Variants in LRRC4C observed in about 807,000 individuals in gnomAD.
LRRC4C encodes leucine rich repeat containing 4C.
A neutral mutation model predicts 33.6 loss-of-function variants in LRRC4C; 5 were observed. The ratio of observed to expected loss-of-function variants is 0.15; its 90% confidence interval spans 0.08 to 0.31. LRRC4C has a LOEUF of 0.31. LRRC4C is among the 10% of genes least tolerant of loss of function. The pLI is 1.00. For synonymous variants in LRRC4C, 329 were observed against 302.0 expected, an observed-to-expected ratio of 1.09 and a Z score of -0.93; for missense variants, 560 against 796.7, an observed-to-expected ratio of 0.70 and a Z score of 3.58.
intron 1 of LRRC4C, among the ~76,000 whole-genome samples, chr11:41,220,000 T>C (rs1283665726): frequency 6.6e-6 from 1 of 152,160 alleles, no homozygotes; most frequent in Non-Finnish European, 1.5e-5. Context: ...TTATTTGACC[T>C]GGAATTTTTT....
intron 2 of LRRC4C, among the ~76,000 whole-genome samples, chr11:40,834,907 GACAGACAC>G (rs1362223932): frequency 0.04 from 1,825 of 45,228 alleles, 29 homozygotes; most frequent in Admixed American, 0.15. Context: ...CAGACAGACA[GACAGACAC>G]ACACACACAC....
At chr11:41,350,374 G>C (rs1951938703) in intron 1 of LRRC4C, among the ~76,000 whole-genome samples, 1 of 151,650 alleles carries the variant, frequency 6.6e-6, no homozygotes, top group South Asian at 2.1e-4. Context: ...GCCGGGCGTT[G>C]TGGCGGGCGC....
At chr11:41,434,633 C>T (rs930041293) in intron 1 of LRRC4C, among the ~76,000 whole-genome samples, 11 of 152,184 alleles carry the variant, frequency 7.2e-5, no homozygotes, top group Non-Finnish European at 1.6e-4. Flanking sequence ...CCTAAGGATA[C>T]TCCTACCATC....
intron 3 of LRRC4C, among the ~76,000 whole-genome samples, chr11:40,615,317 T>C (rs1464231832): frequency 6.7e-6 from 1 of 149,082 alleles, no homozygotes; most frequent in Non-Finnish European, 1.5e-5. Flanking sequence ...AGATCACTGC[T>C]TTTTCTTATT....
chr11:40,562,351 G>A (rs1298582904), intron 3 of LRRC4C, among the ~76,000 whole-genome samples: 1 of 152,114 alleles, frequency 6.6e-6, no homozygotes, highest in Non-Finnish European at 1.5e-5. Context: ...AACTTAAAAT[G>A]CAAATAAATT....
At chr11:40,434,877 G>C (rs1307460721) in intron 3 of LRRC4C, among the ~76,000 whole-genome samples, 1 of 152,150 alleles carries the variant, frequency 6.6e-6, no homozygotes, top group African/African-American at 2.4e-5. Context: ...AAGAGAAAGA[G>C]AGAATGATGA....
intron 2 of LRRC4C, among the ~76,000 whole-genome samples, chr11:40,880,863 G>GTATATATATA (rs61004501): frequency 1.9e-4 from 28 of 145,630 alleles, no homozygotes; most frequent in South Asian, 6.4e-4. Context: ...ATGTGTGTGT[G>GTATATATATA]TATATATATA....
At chr11:41,387,006 C>T (rs1290525901) in intron 1 of LRRC4C, among the ~76,000 whole-genome samples, 1 of 151,658 alleles carries the variant, frequency 6.6e-6, no homozygotes, top group South Asian at 2.1e-4. Context: ...CCTGTAAATT[C>T]CCAGTTGCTA....
At chr11:41,321,368 C>T (rs184654059) in intron 1 of LRRC4C, among the ~76,000 whole-genome samples, 1 of 152,140 alleles carries the variant, frequency 6.6e-6, no homozygotes, top group East Asian at 1.9e-4. Flanking sequence ...TTACACAATT[C>T]TAAGACAAAT....
intron 1 of LRRC4C, among the ~76,000 whole-genome samples, chr11:41,327,595 C>A (rs1378630530): frequency 6.6e-6 from 1 of 152,112 alleles, no homozygotes; most frequent in Non-Finnish European, 1.5e-5. Flanking sequence ...TGTTTGTGAA[C>A]ACCATCAGGA....
intron 2 of LRRC4C, among the ~76,000 whole-genome samples, chr11:40,840,272 TTG>T (rs1163278422): frequency 6.6e-6 from 1 of 152,192 alleles, no homozygotes; most frequent in Non-Finnish European, 1.5e-5. Context: ...CACAGTGATA[TTG>T]TGTTTCCACT....
intron 5 of LRRC4C, among the ~76,000 whole-genome samples, chr11:40,206,956 AC>A (rs1863204456): frequency 6.6e-6 from 1 of 150,384 alleles, no homozygotes; most frequent in Admixed American, 6.6e-5. Context: ...ACACTCACAA[AC>A]AAACAAACAA....
intron 2 of LRRC4C, among the ~76,000 whole-genome samples, chr11:40,911,901 A>G (rs1956715361): frequency 1.3e-5 from 2 of 152,392 alleles, no homozygotes; most frequent in African/African-American, 4.8e-5. Flanking sequence ...TGATGAATGC[A>G]CAAGCCTCAG....
At chr11:40,239,502 A>G (rs1014181839) in intron 5 of LRRC4C, among the ~76,000 whole-genome samples, 7 of 152,200 alleles carry the variant, frequency 4.6e-5, no homozygotes, top group African/African-American at 1.4e-4. Context: ...TAAATGTGCA[A>G]TATGTGAAGG....
At chr11:40,379,312 GATTA>G (rs770915587) in intron 3 of LRRC4C, among the ~76,000 whole-genome samples, 3 of 151,884 alleles carry the variant, frequency 2.0e-5, no homozygotes, top group Non-Finnish European at 4.4e-5. Flanking sequence ...GAAGAACATA[GATTA>G]ATTAATTAGG....
chr11:41,348,688 G>A lies in LRRC4C; in HGVS notation c.-496+110743C>T, dbSNP rs145150518. On this transcript the variant is annotated intron_variant, in intron 1 of 6. Transcript: ENST00000528697. ...GATGGAGGGAGGAGGCAGAGCCTGA[G>A]CTAAAAGGGAAGAAAGCTGGAAACT... Among the ~76,000 whole-genome samples, 74 of 152,178 alleles carry A rather than the reference G, an allele frequency of 4.9e-4. No individual in the cohort carries two copies. In the East Asian group the frequency reaches 0.013, roughly 27 times the overall value.
intron 1 of LRRC4C, among the ~76,000 whole-genome samples, chr11:41,259,300 C>G (rs1200187865): frequency 6.6e-6 from 1 of 152,000 alleles, no homozygotes; most frequent in Non-Finnish European, 1.5e-5. Context: ...TGAAAGACAT[C>G]AGCACATGTG....
chr11:40,608,995 C>G (rs756876383), intron 3 of LRRC4C, among the ~76,000 whole-genome samples: 1 of 152,006 alleles, frequency 6.6e-6, no homozygotes, highest in Non-Finnish European at 1.5e-5. Flanking sequence ...TTCAATATCC[C>G]GCTTTCAGTA....
intron 3 of LRRC4C, among the ~76,000 whole-genome samples, chr11:40,487,144 G>A (rs114625819): frequency 0.013 from 2,015 of 152,126 alleles, 40 homozygotes; most frequent in African/African-American, 0.04. Context: ...ACTGACATGC[G>A]AAGTTGGAAG....
Sources: allele counts gnomAD v4.1 joint callset (sites outside exome capture counted in the v4.1 genomes callset), GRCh38; gene constraint gnomAD v4.1.1; transcripts MANE v1.5; gene names NCBI Gene and HGNC (gene_info 2026-07-23, HGNC 2026-07-21).